Variants in PRKCA observed in about 807,000 individuals in gnomAD.
PRKCA encodes protein kinase C alpha.
In PRKCA, 27 loss-of-function variants were observed where a neutral mutation model predicts 87.0. The observed-to-expected ratio is 0.31, with a 90% CI of 0.23 to 0.43. The LOEUF (loss-of-function observed/expected upper bound fraction) is 0.43, where lower values mean the gene tolerates loss of function less well. PRKCA is among the 20% of genes least tolerant of loss of function. PRKCA has a pLI of 1.00. For missense variants in PRKCA, 518 were observed against 852.3 expected (o/e 0.61, Z 4.88); for synonymous variants, 329 against 311.1 (o/e 1.06, Z -0.61).
chr17:66,596,144 C>T (rs1158968273), intron 3 of PRKCA, among the ~76,000 whole-genome samples: 1 of 152,166 alleles, frequency 6.6e-6, no homozygotes, highest in African/African-American at 2.4e-5. Flanking sequence ...CTGTAACTAG[C>T]AGGTGGTTGT....
intron 2 of PRKCA, among the ~76,000 whole-genome samples, chr17:66,348,276 T>C (rs1196043842): frequency 6.6e-6 from 1 of 152,022 alleles, no homozygotes; most frequent in Non-Finnish European, 1.5e-5. Flanking sequence ...CATCGAGACT[T>C]TCTTAAATGA....
At chr17:66,462,898 G>A (rs1268164856) in intron 2 of PRKCA, among the ~76,000 whole-genome samples, 1 of 149,074 alleles carries the variant, frequency 6.7e-6, no homozygotes, top group African/African-American at 2.5e-5. Flanking sequence ...ACAAAGACAT[G>A]CACACACATG....
chr17:66,788,677 G>A (rs1416355265), intron 15 of PRKCA, among the ~76,000 whole-genome samples, 162 bp from the exon 16 acceptor site: 1 of 152,116 alleles, frequency 6.6e-6, no homozygotes, highest in East Asian at 1.9e-4. Context: ...TTGTGAGTTG[G>A]CTTCACTTCG....
At chr17:66,677,419 C>G (rs1013677912) in intron 5 of PRKCA, 1 of 152,176 alleles carries the variant, frequency 6.6e-6, no homozygotes, top group African/African-American at 2.4e-5. Flanking sequence ...CAGCTGCGTT[C>G]GTTTGTTCAC....
intron 5 of PRKCA, among the ~76,000 whole-genome samples, chr17:66,651,991 C>T (rs971785648): frequency 6.6e-6 from 1 of 152,194 alleles, no homozygotes; most frequent in Non-Finnish European, 1.5e-5. Context: ...CACAGTCTCA[C>T]TCTGTCACCC....
At chr17:66,402,317 T>C (rs1911080717) in intron 2 of PRKCA, among the ~76,000 whole-genome samples, 1 of 152,014 alleles carries the variant, frequency 6.6e-6, no homozygotes, top group Non-Finnish European at 1.5e-5. Context: ...GGGAAACTAA[T>C]TTCAGGTAAA....
At chr17:66,724,734 C>G (rs939927530) in intron 8 of PRKCA, among the ~76,000 whole-genome samples, 1 of 152,252 alleles carries the variant, frequency 6.6e-6, no homozygotes, top group Admixed American at 6.5e-5. Flanking sequence ...TCTGCTTCCT[C>G]AGGTTTTCTG....
chr17:66,678,416 C>G (rs1355186520), intron 5 of PRKCA, among the ~76,000 whole-genome samples: 1 of 152,202 alleles, frequency 6.6e-6, no homozygotes, highest in Non-Finnish European at 1.5e-5. Context: ...TTCCAGCAGC[C>G]ACAGGAAACT....
At chr17:66,613,498 AC>A (rs1970427838) in intron 3 of PRKCA, among the ~76,000 whole-genome samples, 2 of 152,176 alleles carry the variant, frequency 1.3e-5, no homozygotes, top group African/African-American at 2.4e-5. Flanking sequence ...TTATTCCCTC[AC>A]AATTCTGAGG....
At chr17:66,487,065 A>G (rs1916017970) in intron 2 of PRKCA, among the ~76,000 whole-genome samples, 1 of 152,150 alleles carries the variant, frequency 6.6e-6, no homozygotes, top group Non-Finnish European at 1.5e-5. Flanking sequence ...TCTTCTAGCT[A>G]TTTTGAAATA....
intron 2 of PRKCA, among the ~76,000 whole-genome samples, chr17:66,467,896 A>G (rs1353285684): frequency 1.3e-5 from 2 of 152,176 alleles, no homozygotes; most frequent in African/African-American, 4.8e-5. Flanking sequence ...AAATTAAAAA[A>G]AAAAACAACA....
At chr17:66,519,777 G>A (rs748999157) in intron 3 of PRKCA, among the ~76,000 whole-genome samples, 1 of 152,210 alleles carries the variant, frequency 6.6e-6, no homozygotes, top group Non-Finnish European at 1.5e-5. Context: ...ATCTTCTGAA[G>A]CAGCAAGGCA....
rs1221054152 is a variant in PRKCA at position 66,629,578 on chromosome 17, G to T, written c.289-11777G>T. 4.6e-5 allele frequency among the ~76,000 whole-genome samples: 7 copies of T among 152,224 alleles called. No individual in the cohort carries two copies. In the East Asian group the frequency reaches 9.6e-4, roughly 21 times the overall value. On this transcript the variant is annotated intron_variant, in intron 3 of 16. Coordinates refer to ENST00000413366, the MANE Select transcript of PRKCA (RefSeq NM_002737.3). ...CTTACCACTTTGTACAGGGCTGGCAGAGGTTTGCATAATTTAGATGCTTCT... is the reference window on the plus strand; with the variant it reads ...CTTACCACTTTGTACAGGGCTGGCATAGGTTTGCATAATTTAGATGCTTCT...
intron 8 of PRKCA, among the ~76,000 whole-genome samples, chr17:66,690,827 CAAAA>C (rs34671486): frequency 9.0e-5 from 6 of 66,596 alleles, no homozygotes; most frequent in Non-Finnish European, 1.1e-4. Flanking sequence ...GACTCTGTCT[CAAAA>C]AAAAAAAAAA....
intron 2 of PRKCA, among the ~76,000 whole-genome samples, chr17:66,473,363 C>T (rs999339800): frequency 3.3e-5 from 5 of 152,184 alleles, no homozygotes; most frequent in Non-Finnish European, 7.3e-5. Context: ...ACATGAAACA[C>T]TCTCCTACCC....
chr17:66,569,385 A>C (rs569533154), intron 3 of PRKCA, among the ~76,000 whole-genome samples: 1 of 152,268 alleles, frequency 6.6e-6, no homozygotes, highest in East Asian at 1.9e-4. Context: ...CCTGGCCAAC[A>C]TGGTGAAACT....
intron 3 of PRKCA, 146 bp from the exon 4 acceptor site, chr17:66,641,209 A>G: frequency 3.7e-6 from 2 of 535,864 alleles, no homozygotes; most frequent in Middle Eastern, 4.8e-4. Context: ...ACCACCACCC[A>G]TTGTGTGACT....
chr17:66,463,492 C>T (rs533518212), intron 2 of PRKCA, among the ~76,000 whole-genome samples: 1 of 151,962 alleles, frequency 6.6e-6, no homozygotes, highest in Non-Finnish European at 1.5e-5. Context: ...GCCTCCCAAG[C>T]TCAAGCGATT....
chr17:66,750,073 G>A (rs1298506133), intron 13 of PRKCA, among the ~76,000 whole-genome samples: 1 of 151,960 alleles, frequency 6.6e-6, no homozygotes, highest in African/African-American at 2.4e-5. Flanking sequence ...TAACTCATGT[G>A]GTATATACAT....
Sources: allele counts gnomAD v4.1 joint callset (sites outside exome capture counted in the v4.1 genomes callset), GRCh38; gene constraint gnomAD v4.1.1; transcripts MANE v1.5; gene names NCBI Gene and HGNC (gene_info 2026-07-23, HGNC 2026-07-21).